SLCO3A1: variants seen among roughly 807,000 people sequenced by gnomAD.
The protein encoded by SLCO3A1 is PGE1 transporter.
Under a neutral mutation model 63.1 loss-of-function variants are expected in SLCO3A1, and 27 were observed. That is an observed-to-expected ratio of 0.43 (90% CI 0.32 to 0.59). SLCO3A1 has a LOEUF of 0.59. Ranked by LOEUF, SLCO3A1 falls within the 20% of genes least tolerant of loss-of-function variation. The pLI, the probability that SLCO3A1 is intolerant of heterozygous loss-of-function variation, is 0.09. For synonymous variants in SLCO3A1, 473 were observed against 409.9 expected, an observed-to-expected ratio of 1.15 and a Z score of -1.86; for missense variants, 773 against 945.8, an observed-to-expected ratio of 0.82 and a Z score of 2.40.
At chr15:92,041,368 G>A (rs1183246427) in intron 2 of SLCO3A1, among the ~76,000 whole-genome samples, 2 of 152,192 alleles carry the variant, frequency 1.3e-5, no homozygotes, top group East Asian at 3.8e-4. Flanking sequence ...CAATAGACTA[G>A]AAGCCCTTTT....
At position 92,164,801 on chromosome 15, in the gene SLCO3A1, A is replaced by T; in HGVS notation, c.*1666A>T. The T allele has an allele frequency of 4.1e-6, 4 of 985,430 alleles. No individual in the cohort carries two copies. Among genetic ancestry groups the T allele is most frequent in the Non-Finnish European group, 4.8e-6 (4 of 829,942 alleles). The allele number at this position is 985,430 out of a possible 1,614,324, so 61.0% of individuals were successfully genotyped here. ...AGAATCACGTTGGAAAACCTCTCGC[A>T]ACCAGCACACTAGGCCTTCTACGGC... On this transcript the variant is annotated 3_prime_UTR_variant, in exon 10 of 10. Coordinates refer to ENST00000318445, the MANE Select transcript of SLCO3A1 (RefSeq NM_013272.4).
intron 9 of SLCO3A1, chr15:92,162,339 G>C (rs994076725): frequency 1.8e-5 from 3 of 164,856 alleles, no homozygotes; most frequent in Admixed American, 6.1e-5. Context: ...TAGTAGAGAC[G>C]GGGTTTCACC....
chr15:91,914,811 AC>A (rs1169464529), intron 1 of SLCO3A1, among the ~76,000 whole-genome samples: 1 of 152,016 alleles, frequency 6.6e-6, no homozygotes, highest in Non-Finnish European at 1.5e-5. Context: ...GCCTCAAGTG[AC>A]CTGCCCACCT....
chr15:92,019,137 A>G (rs2046475369), intron 2 of SLCO3A1, among the ~76,000 whole-genome samples: 1 of 152,144 alleles, frequency 6.6e-6, no homozygotes, highest in Non-Finnish European at 1.5e-5. Context: ...TCAGCCTGCC[A>G]GGGTGACTTT....
rs975017408 is a variant in SLCO3A1 at position 91,863,194 on chromosome 15, CTT to C, written c.180+9108_180+9109del. Among the ~76,000 whole-genome samples, 3 of 152,196 alleles carry C rather than the reference CTT, an allele frequency of 2.0e-5. No homozygotes were observed. Among genetic ancestry groups the C allele is most frequent in the Non-Finnish European group, 4.4e-5 (3 of 68,028 alleles). On this transcript the variant is annotated intron_variant, in intron 1 of 9. Transcript: ENST00000318445. The surrounding 1 kb of genome is among the most constrained non-coding windows in gnomAD (Gnocchi z 4.3). ...AATAAACAGTGGGGCTGATTAATCT[CTT>C]TGTTGGCTTTTGGGTCAGAGAATTG...
At chr15:92,041,357 A>G (rs1202456799) in intron 2 of SLCO3A1, among the ~76,000 whole-genome samples, 4 of 152,210 alleles carry the variant, frequency 2.6e-5, no homozygotes, top group African/African-American at 9.7e-5. Flanking sequence ...ATTTCCCAGC[A>G]CAATAGACTA....
chr15:92,106,445 A>T lies in SLCO3A1; in HGVS notation c.1009+1903A>T, dbSNP rs919201470. On this transcript the variant is annotated intron_variant, in intron 4 of 9. Transcript: ENST00000318445. ...GGAGAGTGATGCCTGAGACTCCCCT[A>T]ATAGCCATCCATAGAAAGTGTCCTG... Among the ~76,000 whole-genome samples the T allele has an allele frequency of 8.5e-5, 13 of 152,206 alleles. No individual in the cohort carries two copies. The East Asian group carries it at 2.5e-3, about 29-fold the overall frequency.
intron 2 of SLCO3A1, among the ~76,000 whole-genome samples, chr15:92,067,360 C>T (rs938963839): frequency 1.3e-5 from 2 of 152,208 alleles, no homozygotes; most frequent in Non-Finnish European, 2.9e-5. Flanking sequence ...CTTGCCCTCA[C>T]CTCAGCCCTC....
intron 1 of SLCO3A1, among the ~76,000 whole-genome samples, chr15:91,857,069 TGAGAGA>T (rs71156615): frequency 3.7e-5 from 4 of 107,486 alleles, no homozygotes; most frequent in East Asian, 3.7e-4. Flanking sequence ...TGTGTGTGTG[TGAGAGA>T]GAGAGAGAGA....
chr15:92,123,551 C>T (rs1356151396), intron 5 of SLCO3A1, among the ~76,000 whole-genome samples: 1 of 152,180 alleles, frequency 6.6e-6, no homozygotes, highest in Non-Finnish European at 1.5e-5. Flanking sequence ...CTCTACCACC[C>T]ACCACTTGGT....
chr15:92,156,641 G>C (rs1472666477), intron 9 of SLCO3A1, among the ~76,000 whole-genome samples: 11 of 152,196 alleles, frequency 7.2e-5, no homozygotes, highest in Non-Finnish European at 1.5e-5. Context: ...ATTCTTTCTT[G>C]GCATTGCTGA....
At chr15:92,029,349 C>T (rs1238046013) in intron 2 of SLCO3A1, among the ~76,000 whole-genome samples, 2 of 152,172 alleles carry the variant, frequency 1.3e-5, no homozygotes, top group African/African-American at 2.4e-5. Flanking sequence ...CTGGAGTGGG[C>T]ATGAGCGGCA....
intron 2 of SLCO3A1, among the ~76,000 whole-genome samples, chr15:91,964,065 C>T (rs1301866179): frequency 6.6e-6 from 1 of 152,162 alleles, no homozygotes; most frequent in Non-Finnish European, 1.5e-5. Context: ...TAGCTAGACA[C>T]AAAAGTTCTC....
chr15:92,085,687 TTG>T (rs2047396363), intron 2 of SLCO3A1, among the ~76,000 whole-genome samples: 1 of 152,226 alleles, frequency 6.6e-6, no homozygotes, highest in Admixed American at 6.5e-5. Flanking sequence ...AGCTTACACG[TTG>T]TTGTGAAATA....
chr15:92,150,703 G>T (rs1596149089), intron 8 of SLCO3A1, among the ~76,000 whole-genome samples: 1 of 151,808 alleles, frequency 6.6e-6, no homozygotes, highest in South Asian at 2.1e-4. Context: ...CGAATGACAA[G>T]GTTAGCTCCA....
chr15:91,879,599 C>G (rs12442322), intron 1 of SLCO3A1, among the ~76,000 whole-genome samples: 1 of 151,846 alleles, frequency 6.6e-6, no homozygotes, highest in African/African-American at 2.4e-5. Flanking sequence ...AAGAAAAATA[C>G]GAAGAAGAGA....
Position 91,897,451 on chromosome 15 carries a change from AAAAC to A in SLCO3A1, c.181-18525_181-18522del, listed in dbSNP as rs113220759. ...GGGCAATGGAGCGAGACTCTGTCTA[AAAAC>A]AAACAAACAAACAAACCCCCAAAAC... is the stretch of plus-strand genomic sequence containing the variant. On this transcript the variant is annotated intron_variant, in intron 1 of 9. Coordinates refer to ENST00000318445, the MANE Select transcript of SLCO3A1 (RefSeq NM_013272.4). This position sits in a 1 kb window ranked among gnomAD's most constrained non-coding sequence, Gnocchi z 4.7. Among the ~76,000 whole-genome samples, 7 of 152,110 alleles carry A rather than the reference AAAAC, an allele frequency of 4.6e-5. No homozygotes were observed. The highest frequency in any genetic ancestry group is 1.3e-4 in the Admixed American group (2 of 15,276).
chr15:92,087,811 G>T (rs549371168), intron 2 of SLCO3A1, among the ~76,000 whole-genome samples: 1 of 152,208 alleles, frequency 6.6e-6, no homozygotes, highest in Admixed American at 6.5e-5. Context: ...GAGCCACCAC[G>T]CCCAGCCCCA....
intron 2 of SLCO3A1, among the ~76,000 whole-genome samples, chr15:91,924,103 C>T (rs559961162): frequency 4.6e-5 from 7 of 152,134 alleles, no homozygotes; most frequent in African/African-American, 1.2e-4. Flanking sequence ...GGCTTTGGGC[C>T]GGCTATGGGT....
Sources: gnomAD v4.1 joint callset for allele counts (sites outside exome capture counted in the v4.1 genomes callset) on GRCh38, gnomAD v4.1.1 for gene constraint, Gnocchi (gnomAD v3.1) non-coding constraint, MANE v1.5 for transcripts, NCBI Gene and HGNC (gene_info 2026-07-23, HGNC 2026-07-21) for gene names.